Variants in PRDM9 observed in about 807,000 individuals in gnomAD.
The protein encoded by PRDM9 is PR/SET domain 9.
PRDM9 carries 47 observed loss-of-function variants against 55.6 expected under a neutral mutation model. That is an observed-to-expected ratio of 0.85 (90% CI 0.67 to 1.08). The LOEUF (loss-of-function observed/expected upper bound fraction) is 1.08, where lower values mean the gene tolerates loss of function less well. Ranked by LOEUF, PRDM9 falls within the 50% of genes least tolerant of loss-of-function variation. The pLI, the probability that PRDM9 is intolerant of heterozygous loss-of-function variation, is 0.00. For synonymous variants in PRDM9, 312 were observed against 375.7 expected, an observed-to-expected ratio of 0.83 and a Z score of 1.96; for missense variants, 867 against 1,040.3, an observed-to-expected ratio of 0.83 and a Z score of 2.29.
At chr5:23,521,257 G>T (rs1386229147) in intron 6 of PRDM9, 78 bp downstream of exon 6, 2 of 1,556,098 alleles carry the variant, frequency 1.3e-6, no homozygotes, top group East Asian at 2.2e-5. Context: ...TACCTATGTG[G>T]GGTGGACTTT....
In PRDM9 at chr5:23,524,578, T is replaced by A; in HGVS notation, c.1144+51T>A. The stretch of plus-strand genomic sequence containing the variant: ...AAGGACAGGAAAGAAAGAATTATCC[T>A]AGAGAATTTTCATGGTTTAACTCTT... On this transcript the variant is annotated intron_variant, in intron 10 of 10. Coordinates refer to ENST00000296682, the MANE Select transcript of PRDM9 (RefSeq NM_020227.4). The A allele has an allele frequency of 1.9e-6, 3 of 1,610,386 alleles. No individual in the cohort carries two copies. In the East Asian group the frequency reaches 6.7e-5, roughly 36 times the overall value.
chr5:23,527,068 G>C lies in PRDM9; in HGVS notation c.1980G>C (p.Gly660=). 1 of 703,966 alleles carries C rather than the reference G, an allele frequency of 1.4e-6. No individual in the cohort carries two copies. Among genetic ancestry groups the C allele is most frequent in the Non-Finnish European group, 2.3e-6 (1 of 432,034 alleles). 43.6% of individuals were successfully genotyped at this position (703,966 alleles called of 1,614,324 possible). A position where few individuals can be genotyped will look rare whatever the true frequency, so the allele number is the denominator to read the frequency against. ...TCACTCACCAGAGGAGACACACAGGGGAGAAGCCCTATGTCTGCAGGGAGT... is the reference window on the plus strand; with the variant it reads ...TCACTCACCAGAGGAGACACACAGGCGAGAAGCCCTATGTCTGCAGGGAGT... The part of the protein sequence containing the change: ...VLLTHQRRHT[G]EKPYVCRECG... The change falls in exon 11 of 11, where the codon GGG becomes GGC. Residue 660 remains glycine, a synonymous_variant. Transcript: ENST00000296682.
chr5:23,523,058 T>C (rs1345992011), intron 8 of PRDM9, among the ~76,000 whole-genome samples, 173 bp downstream of exon 8: 2 of 152,198 alleles, frequency 1.3e-5, no homozygotes, highest in Admixed American at 6.5e-5. Flanking sequence ...AGAGGTTACA[T>C]GGGAGCAGAG....
chr5:23,509,658 T>C, intron 3 of PRDM9, 65 bp downstream of exon 3: 1 of 1,611,830 alleles, frequency 6.2e-7, no homozygotes, highest in East Asian at 2.2e-5. Flanking sequence ...GTCCCTATAT[T>C]ATTTTAGTTC....
intron 8 of PRDM9, 135 bp downstream of exon 8, chr5:23,523,020 A>G: frequency 2.0e-6 from 3 of 1,487,788 alleles, no homozygotes; most frequent in Non-Finnish European, 1.9e-6. Context: ...GGTTCTTTGC[A>G]TGAACACGGA....
At position 23,528,060 on chromosome 5, in the gene PRDM9, G is replaced by A; in HGVS notation, c.*287G>A. 5 of 522,400 alleles carry A rather than the reference G, an allele frequency of 9.6e-6. No homozygotes were observed. The South Asian group carries it at 1.0e-4, about 11-fold the overall frequency. 32.4% of individuals were successfully genotyped at this position (522,400 alleles called of 1,614,324 possible). A position where few individuals can be genotyped will look rare whatever the true frequency, so the allele number is the denominator to read the frequency against. Reference sequence around the variant, plus strand: ...TTTTTTGTTTGTTTTTTTGCCTCCTGTTCTAATAAATTTTGTCTCCATACA... The same window carrying A: ...TTTTTTGTTTGTTTTTTTGCCTCCTATTCTAATAAATTTTGTCTCCATACA... On this transcript the variant is annotated 3_prime_UTR_variant, in exon 11 of 11. Coordinates refer to ENST00000296682, the MANE Select transcript of PRDM9 (RefSeq NM_020227.4).
intron 8 of PRDM9, among the ~76,000 whole-genome samples, 184 bp from the exon 9 acceptor site, chr5:23,523,107 T>C (rs1158734424): frequency 6.6e-6 from 1 of 152,194 alleles, no homozygotes; most frequent in South Asian, 2.1e-4. Flanking sequence ...CCTGTGGAGC[T>C]TCTGCTCTGA....
At chr5:23,515,203 G>A (rs1157171340) in intron 4 of PRDM9, among the ~76,000 whole-genome samples, 2 of 151,408 alleles carry the variant, frequency 1.3e-5, no homozygotes, top group East Asian at 2.0e-4. Context: ...GACCTCAAGT[G>A]ATCCATCTGC....
chr5:23,523,482 C>T (rs2126429662), intron 9 of PRDM9, 124 bp downstream of exon 9: 1 of 1,023,200 alleles, frequency 9.8e-7, no homozygotes, highest in Non-Finnish European at 1.5e-6. Context: ...TTTCTCCATA[C>T]AATGCTGTTT....
Position 23,521,126 on chromosome 5 carries a change from T to C in PRDM9, c.455T>C (p.Val152Ala). ...ASGSEQAQKPVSPSGEASTSG... is the reference protein window; with the variant it reads ...ASGSEQAQKPASPSGEASTSG... Reference sequence around the variant, plus strand: ...GGCTCAGAGCAGGCTCAGAAACCAGTGTCCCCTTCTGGAGAAGCAAGTACC... The same window carrying C: ...GGCTCAGAGCAGGCTCAGAAACCAGCGTCCCCTTCTGGAGAAGCAAGTACC... The change falls in exon 6 of 11, where the codon GTG (valine) becomes GCG (alanine). Residue 152 changes from valine (V) to alanine (A), a missense_variant. Physicochemically the swap from Val to Ala is moderately conservative, Grantham distance 64 (BLOSUM62 0). This residue lies in a region of PRDM9 where 662 missense variants were observed against 711.9 expected (regional missense o/e 0.93). Coordinates refer to ENST00000296682, the MANE Select transcript of PRDM9 (RefSeq NM_020227.4). 1 of 1,614,048 alleles carries C rather than the reference T, an allele frequency of 6.2e-7. No individual in the cohort carries two copies. Among genetic ancestry groups the C allele is most frequent in the South Asian group, 1.1e-5 (1 of 91,080 alleles).
chr5:23,514,362 C>CAG (rs1383010423), intron 4 of PRDM9, among the ~76,000 whole-genome samples: 1 of 152,152 alleles, frequency 6.6e-6, no homozygotes, highest in Non-Finnish European at 1.5e-5. Flanking sequence ...ACCTCCATCT[C>CAG]ACTGTGTATT....
At position 23,522,792 on chromosome 5, in the gene PRDM9, G is replaced by A. The variant is rs759451691; in HGVS notation, c.789G>A (p.Glu263=). Residue 263 remains glutamate, a synonymous_variant, in exon 8 of 11, where the codon GAG becomes GAA. Coordinates refer to ENST00000296682, the MANE Select transcript of PRDM9 (RefSeq NM_020227.4). ...IPQAGLGVWN[E]ASDLPLGLHF... is the part of the protein sequence containing the mutation. ...AGGCTGGGCTTGGAGTATGGAATGA[G>A]GCATCTGATCTGCCGCTGGGTCTGC... 69 of 1,614,136 alleles carry A rather than the reference G, an allele frequency of 4.3e-5. 1 individual carries two copies. In the South Asian group the frequency reaches 6.9e-4, roughly 16 times the overall value.
At chr5:23,518,280 TC>T (rs1348066930) in intron 5 of PRDM9, among the ~76,000 whole-genome samples, 2 of 152,214 alleles carry the variant, frequency 1.3e-5, no homozygotes, top group African/African-American at 4.8e-5. Flanking sequence ...TTCAGTTATA[TC>T]CCTGGGATCA....
Position 23,518,917 on chromosome 5 carries a change from T to C in PRDM9, c.351+987T>C, listed in dbSNP as rs577551022. ...GCCTCTGAGAGCCTCCTTAGTGTTT[T>C]CTGAATGACTGATTCCAAGTTTATG... On this transcript the variant is annotated intron_variant, in intron 5 of 10. Transcript: ENST00000296682. Among the ~76,000 whole-genome samples the C allele has an allele frequency of 2.6e-5, 4 of 152,364 alleles. No homozygotes were observed. In the East Asian group the frequency reaches 5.8e-4, roughly 22 times the overall value.
chr5:23,524,059 G>A (rs1739384734), intron 9 of PRDM9, among the ~76,000 whole-genome samples: 1 of 152,210 alleles, frequency 6.6e-6, no homozygotes, highest in South Asian at 2.1e-4. Context: ...GGCCAGTCAA[G>A]GTGGAGGTAA....
chr5:23,524,469 C>G lies in PRDM9; in HGVS notation c.1086C>G (p.Gly362=). Residue 362 remains glycine, a synonymous_variant, in exon 10 of 11, where the codon GGC becomes GGG. Coordinates refer to ENST00000296682, the MANE Select transcript of PRDM9 (RefSeq NM_020227.4). Reference sequence around the variant, plus strand: ...TGGTCTGGTATGGGGATGAATACGGCCAGGAACTGGGCATCAAGTGGGGCA... The same window carrying G: ...TGGTCTGGTATGGGGATGAATACGGGCAGGAACTGGGCATCAAGTGGGGCA... ...ELLVWYGDEY[G]QELGIKWGSK... 6.2e-7 allele frequency: 1 copy of G among 1,613,802 alleles called. No individual in the cohort carries two copies. Among genetic ancestry groups the G allele is most frequent in the South Asian group, 1.1e-5 (1 of 91,060 alleles).
intron 4 of PRDM9, among the ~76,000 whole-genome samples, chr5:23,515,389 T>A (rs1387431802): frequency 6.6e-6 from 1 of 152,210 alleles, no homozygotes; most frequent in Non-Finnish European, 1.5e-5. Flanking sequence ...ACTATAGTCA[T>A]GTGCCACTGC....
chr5:23,525,787 A>C (rs186508290), intron 10 of PRDM9, among the ~76,000 whole-genome samples: 96 of 152,302 alleles, frequency 6.3e-4, no homozygotes, highest in African/African-American at 1.6e-3. Flanking sequence ...ATCTCACCTA[A>C]GTCATCAAGA....
At chr5:23,510,990 T>TAA (rs879556929) in intron 4 of PRDM9, among the ~76,000 whole-genome samples, 2 of 138,126 alleles carry the variant, frequency 1.4e-5, no homozygotes, top group South Asian at 2.4e-4. Context: ...CACTAAAAAT[T>TAA]AAAAAAAAAA....
Sources: allele counts gnomAD v4.1 joint callset (sites outside exome capture counted in the v4.1 genomes callset), GRCh38; gene constraint gnomAD v4.1.1; regional missense constraint gnomAD v4.1.1; transcripts MANE v1.5; gene names NCBI Gene and HGNC (gene_info 2026-07-23, HGNC 2026-07-21).